The following RAD54L variants were observed in gnomAD, a reference collection of about 807,000 sequenced individuals.
RAD54L encodes the protein DNA repair and recombination protein RAD54-like.
Under a neutral mutation model 91.6 loss-of-function variants are expected in RAD54L, and 74 were observed. The observed-to-expected ratio is 0.81, with a 90% CI of 0.67 to 0.98. The LOEUF is 0.98. RAD54L is among the 50% of genes least tolerant of loss of function. The pLI, the probability that RAD54L is intolerant of heterozygous loss-of-function variation, is 0.00. For synonymous variants in RAD54L, 304 were observed against 349.7 expected, an observed-to-expected ratio of 0.87 and a Z score of 1.46; for missense variants, 887 against 945.7, an observed-to-expected ratio of 0.94 and a Z score of 0.81.
chr1:46,274,774 A>G (rs1660547421), intron 16 of RAD54L, 57 bp downstream of exon 16: 6 of 1,603,826 alleles, frequency 3.7e-6, no homozygotes, highest in Non-Finnish European at 5.1e-6. Context: ...GATCTTCAGG[A>G]CCATCTTGTT....
intron 3 of RAD54L, among the ~76,000 whole-genome samples, chr1:46,253,080 A>G (rs1277746045): frequency 6.6e-6 from 1 of 152,168 alleles, no homozygotes; most frequent in Non-Finnish European, 1.5e-5. Context: ...AAGGAAAAAA[A>G]ATACTTGCGT....
intron 14 of RAD54L, 69 bp downstream of exon 14, chr1:46,273,816 T>C: frequency 6.5e-7 from 1 of 1,550,318 alleles, no homozygotes; most frequent in Non-Finnish European, 8.7e-7. Flanking sequence ...CTAGTTCTGA[T>C]TTGTGGATGT....
intron 8 of RAD54L, among the ~76,000 whole-genome samples, chr1:46,266,410 G>A (rs941357265): frequency 1.3e-5 from 2 of 152,250 alleles, no homozygotes; most frequent in African/African-American, 4.8e-5. Flanking sequence ...GAGTGGTTGA[G>A]TTTTGTGTGC....
Position 46,278,337 on chromosome 1 carries a change from C to T in RAD54L, c.*55C>T. 1.3e-6 allele frequency: 2 copies of T among 1,526,276 alleles called. No individual in the cohort carries two copies. Among genetic ancestry groups the T allele is most frequent in the Non-Finnish European group, 1.8e-6 (2 of 1,121,582 alleles). 94.5% of individuals were successfully genotyped at this position (1,526,276 alleles called of 1,614,324 possible). Reference sequence around the variant, plus strand: ...AGGAAGGAGATAGGGAAAAGGGGCTCCTTGCTCCACAGGGCCCTGTTGAAT... The same window carrying T: ...AGGAAGGAGATAGGGAAAAGGGGCTTCTTGCTCCACAGGGCCCTGTTGAAT... On this transcript the variant is annotated 3_prime_UTR_variant, in exon 18 of 18. Transcript: ENST00000371975.
At position 46,274,190 on chromosome 1, in the gene RAD54L, G is replaced by A. The variant is rs1660525025; in HGVS notation, c.1663G>A (p.Val555Ile). ...GTMSIKKRAK[V>I]VERFNSPSSP... ...GATGTCCATTAAGAAGCGAGCCAAGGTTGTAGAACGCTTCAATAGTCCATC... is the reference window on the plus strand; with the variant it reads ...GATGTCCATTAAGAAGCGAGCCAAGATTGTAGAACGCTTCAATAGTCCATC... Residue 555 changes from valine to isoleucine, a missense_variant, in exon 15 of 18, where the codon GTT becomes ATT. Coordinates refer to ENST00000371975, the MANE Select transcript of RAD54L (RefSeq NM_003579.4). The A allele has an allele frequency of 1.9e-6, 3 of 1,613,556 alleles. No homozygotes were observed. The South Asian group carries it at 3.3e-5, about 18-fold the overall frequency.
In RAD54L at chr1:46,248,177, C is replaced by T; in HGVS notation, c.-229C>T. 4 of 652,638 alleles carry T rather than the reference C, an allele frequency of 6.1e-6. No homozygotes were observed. The highest frequency in any genetic ancestry group is 3.4e-5 in the South Asian group (2 of 58,286). 40.4% of individuals were successfully genotyped at this position (652,638 alleles called of 1,614,324 possible). A position where few individuals can be genotyped will look rare whatever the true frequency, so the allele number is the denominator to read the frequency against. ...CTCTGCTTGGTCTCTTCCTCTTTGG[C>T]CTAATCTCTCGTCTCGGCTTATTGG... is the stretch of plus-strand genomic sequence containing the variant. On this transcript the variant is annotated 5_prime_UTR_variant, in exon 1 of 18. Transcript: ENST00000371975.
chr1:46,274,087 TC>T (rs1660520806), intron 14 of RAD54L, 50 bp from the exon 15 acceptor site: 2 of 1,526,384 alleles, frequency 1.3e-6, no homozygotes. Context: ...TAATTTTTTT[TC>T]CCCCTAATCA....
chr1:46,254,465 T>C (rs1339558664), intron 3 of RAD54L, among the ~76,000 whole-genome samples: 1 of 151,862 alleles, frequency 6.6e-6, no homozygotes, highest in East Asian at 1.9e-4. Context: ...GAGTAAGGTA[T>C]AACTAGAAAT....
intron 3 of RAD54L, among the ~76,000 whole-genome samples, chr1:46,252,083 G>T (rs372625921): frequency 6.6e-6 from 1 of 152,324 alleles, no homozygotes; most frequent in South Asian, 2.1e-4. Context: ...GAGATGTGCT[G>T]TTAAGTCCTG....
At chr1:46,260,509 G>T in intron 5 of RAD54L, 33 bp from the exon 6 acceptor site, 1 of 1,604,378 alleles carries the variant, frequency 6.2e-7, no homozygotes, top group South Asian at 1.1e-5. Context: ...GCCCATGTCT[G>T]AGCACGCTGT....
chr1:46,274,503 A>G (rs1199223225), intron 15 of RAD54L, 35 bp from the exon 16 acceptor site: 13 of 1,606,922 alleles, frequency 8.1e-6, no homozygotes, highest in Non-Finnish European at 1.1e-5. Flanking sequence ...TTAGGCTATA[A>G]GAGGTTCCTT....
rs1659689417 is a variant in RAD54L, at chr1:46,247,923, T to C, written c.-483T>C. 1 of 274,382 alleles carries C rather than the reference T, an allele frequency of 3.6e-6. No homozygotes were observed. The highest frequency in any genetic ancestry group is 2.2e-5 in the African/African-American group (1 of 45,542). 17.0% of individuals were successfully genotyped at this position (274,382 alleles called of 1,614,324 possible). On this transcript the variant is annotated 5_prime_UTR_variant, in exon 1 of 18. Transcript: ENST00000371975. ...TCGACCTCCCTGAGTCTGATCCTGGTTTCCACCTCCAGCCCTGGGAAATTT... is the reference window on the plus strand; with the variant it reads ...TCGACCTCCCTGAGTCTGATCCTGGCTTCCACCTCCAGCCCTGGGAAATTT...
At position 46,260,574 on chromosome 1, in the gene RAD54L, C is replaced by G. The variant is rs752474512; in HGVS notation, c.440C>G (p.Pro147Arg). The G allele has an allele frequency of 2.6e-5, 42 of 1,613,990 alleles. 1 individual carries two copies. Among genetic ancestry groups the G allele is most frequent in the Non-Finnish European group, 3.4e-5 (40 of 1,180,030 alleles). The change falls in exon 6 of 18, where the codon CCT becomes CGT. Residue 147 changes from proline to arginine, a missense_variant. Coordinates refer to ENST00000371975, the MANE Select transcript of RAD54L (RefSeq NM_003579.4). The stretch of plus-strand genomic sequence containing the variant: ...CTCCCTGTCCATGTGGTTGTTGACC[C>G]TATTCTCAGTAAGGTTTTGCGGCCT... ...EKLPVHVVVD[P>R]ILSKVLRPHQ...
chr1:46,272,245 T>C (rs573971831), intron 10 of RAD54L, among the ~76,000 whole-genome samples: 1 of 151,840 alleles, frequency 6.6e-6, no homozygotes, highest in East Asian at 1.9e-4. Context: ...GTTTCTCCAT[T>C]TTGGCCAGGC....
chr1:46,248,041 C>T lies in RAD54L; in HGVS notation c.-365C>T. On this transcript the variant is annotated 5_prime_UTR_variant, in exon 1 of 18. Transcript: ENST00000371975. ...GTGATTACCCACCCCCAATCCCACC[C>T]CGCCCCGCCGCGCAACTACCTCCTC... is the stretch of plus-strand genomic sequence containing the variant. The T allele has an allele frequency of 3.5e-6, 1 of 283,852 alleles. No individual in the cohort carries two copies. Among genetic ancestry groups the T allele is most frequent in the Middle Eastern group, 1.3e-3 (1 of 790 alleles). 17.6% of individuals were successfully genotyped at this position (283,852 alleles called of 1,614,324 possible).
intron 3 of RAD54L, among the ~76,000 whole-genome samples, chr1:46,253,612 TAA>T (rs775591800): frequency 1.6e-5 from 2 of 127,058 alleles, no homozygotes; most frequent in African/African-American, 2.9e-5. Flanking sequence ...AGACTCTGTC[TAA>T]AAAAAAAAAA....
intron 10 of RAD54L, among the ~76,000 whole-genome samples, 195 bp downstream of exon 10, chr1:46,270,980 C>G: frequency 6.6e-6 from 1 of 152,150 alleles, no homozygotes; most frequent in Non-Finnish European, 1.5e-5. Flanking sequence ...GGCTTGGGCT[C>G]TGTGGTCTGG....
chr1:46,270,541 TG>T, intron 9 of RAD54L, 117 bp from the exon 10 acceptor site: 1 of 1,369,872 alleles, frequency 7.3e-7, no homozygotes, highest in Admixed American at 1.7e-5. Flanking sequence ...GCCTATATTT[TG>T]TTTAGCCTTG....
chr1:46,257,143 C>CAAAAAAAAAAAAAAAAAAAAACAAAAAAA, intron 3 of RAD54L, among the ~76,000 whole-genome samples: 1 of 54,414 alleles, frequency 1.8e-5, no homozygotes, highest in Non-Finnish European at 4.3e-5. Context: ...GACTCCATCT[C>CAAAAAAAAAAAAAAAAAAAAACAAAAAAA]AAAAAAAAAA....
Sources: allele counts gnomAD v4.1 joint callset (sites outside exome capture counted in the v4.1 genomes callset), GRCh38; gene constraint gnomAD v4.1.1; transcripts MANE v1.5; gene names NCBI Gene and HGNC (gene_info 2026-07-23, HGNC 2026-07-21).